The following PRAMEF20 variants were observed in gnomAD, a reference collection of about 807,000 sequenced individuals.
PRAMEF20 encodes PRAME family member 20/21.
PRAMEF20 carries 27 observed loss-of-function variants against 32.4 expected under a neutral mutation model. That is an observed-to-expected ratio of 0.83 (90% CI 0.61 to 1.15). The LOEUF (loss-of-function observed/expected upper bound fraction) is 1.15. Among genes scored for constraint, PRAMEF20 ranks in the 50% most tolerant of loss-of-function variants. PRAMEF20 has a pLI of 0.00. For synonymous variants in PRAMEF20, 256 were observed against 235.4 expected, an observed-to-expected ratio of 1.09 and a Z score of -0.80; for missense variants, 604 against 584.5, an observed-to-expected ratio of 1.03 and a Z score of -0.34.
intron 1 of PRAMEF20, among the ~76,000 whole-genome samples, chr1:13,417,236 C>T (rs1184664838): frequency 6.6e-6 from 1 of 152,116 alleles, no homozygotes; most frequent in Non-Finnish European, 1.5e-5. Flanking sequence ...TCCCATGTTC[C>T]ATTTCTGTCC....
chr1:13,421,179 T>C, exon 3 of PRAMEF20: 1 of 1,613,782 alleles, frequency 6.2e-7, no homozygotes, highest in Non-Finnish European at 8.5e-7. Flanking sequence ...CCCGAGAGGA[T>C]CTTGTTCTGT....
chr1:13,416,840 G>C (rs1641180897), intron 1 of PRAMEF20, among the ~76,000 whole-genome samples, 199 bp downstream of exon 2: 1 of 152,234 alleles, frequency 6.6e-6, no homozygotes, highest in African/African-American at 2.4e-5. Context: ...CGAGGTAACA[G>C]GAACCTCTCT....
At chr1:13,421,022 C>T in exon 3 of PRAMEF20, 5 of 1,613,950 alleles carry the variant, frequency 3.1e-6, no homozygotes, top group African/African-American at 1.3e-5. Context: ...GGAGAACCTG[C>T]TGTGCCACAC....
chr1:13,414,232 T>TTTC (rs1491277690), upstream of PRAMEF20, among the ~76,000 whole-genome samples: 1 of 121,458 alleles, frequency 8.2e-6, no homozygotes, highest in Non-Finnish European at 1.7e-5. Flanking sequence ...TTTTTTTTTT[T>TTTC]GTATTTTTAC....
At chr1:13,413,810 G>T (rs1641135748), upstream of PRAMEF20, among the ~76,000 whole-genome samples, 1 of 152,048 alleles carries the variant, frequency 6.6e-6, no homozygotes, top group African/African-American at 2.4e-5. Context: ...TCCAGATCTG[G>T]TAAGTCTCCA....
At chr1:13,418,593 G>A in exon 2 of PRAMEF20, 2 of 1,613,950 alleles carry the variant, frequency 1.2e-6, no homozygotes, top group Non-Finnish European at 8.5e-7. Flanking sequence ...AGCAGAAGAA[G>A]GAGTTTGTTA....
chr1:13,419,838 C>T (rs1280299454), intron 2 of PRAMEF20, among the ~76,000 whole-genome samples: 2 of 152,156 alleles, frequency 1.3e-5, no homozygotes, highest in African/African-American at 4.8e-5. Context: ...TGCCCCACAG[C>T]TTGGTGAACA....
chr1:13,418,095 C>T (rs1569867676), intron 1 of PRAMEF20, 27 bp from the exon 3 acceptor site: 3 of 1,611,882 alleles, frequency 1.9e-6, no homozygotes, highest in East Asian at 4.5e-5. Flanking sequence ...TCCTTAAATT[C>T]TCAGCCTCTC....
At chr1:13,420,901 T>C in exon 3 of PRAMEF20, 1 of 1,613,916 alleles carries the variant, frequency 6.2e-7, no homozygotes, top group South Asian at 1.1e-5. Context: ...TGGACTTAGA[T>C]GACTGTGGCA....
chr1:13,418,599 T>C, exon 2 of PRAMEF20: 8 of 1,613,968 alleles, frequency 5.0e-6, no homozygotes, highest in Non-Finnish European at 6.8e-6. Flanking sequence ...AGAAGGAGTT[T>C]GTTACCCAGT....
chr1:13,420,962 G>T lies in PRAMEF20; in HGVS notation c.1132G>T (p.Glu378Ter). The change falls in exon 3 of 3, where the codon GAG becomes TAG. Residue 378 changes from glutamate (E) to a stop codon, truncating the protein, a stop_gained. Transcript: ENST00000602960. LOFTEE classifies it high-confidence loss of function. ...CCTGCCTGCCCTGAGCCGCTGCTTT[G>T]AGCTCACCACCTTCAGCTTCCGTGG... The T allele has an allele frequency of 6.2e-7, 1 of 1,613,680 alleles. No homozygotes were observed. The highest frequency in any genetic ancestry group is 1.1e-5 in the South Asian group (1 of 91,056).
the PRAMEF20 span, among the ~76,000 whole-genome samples, chr1:13,411,339 C>A: frequency 1.7e-4 from 26 of 151,934 alleles, no homozygotes; most frequent in African/African-American, 3.9e-4. Flanking sequence ...CCCCCTCCCC[C>A]CCACCGCCAA....
upstream of PRAMEF20, among the ~76,000 whole-genome samples, chr1:13,413,327 C>T (rs1010519085): frequency 1.3e-5 from 2 of 152,220 alleles, no homozygotes; most frequent in South Asian, 2.1e-4. Context: ...CTGGGTGGAG[C>T]TTAAGAGATT....
exon 3 of PRAMEF20, chr1:13,420,824 C>T: frequency 6.2e-7 from 1 of 1,613,972 alleles, no homozygotes; most frequent in Non-Finnish European, 8.5e-7. Context: ...TGGCACCAGA[C>T]TGGCCAATTT....
chr1:13,420,873 C>T, exon 3 of PRAMEF20: 1 of 1,613,932 alleles, frequency 6.2e-7, no homozygotes, highest in Non-Finnish European at 8.5e-7. Flanking sequence ...GAAAAAGTTG[C>T]AGCCACCCTT....
upstream of PRAMEF20, among the ~76,000 whole-genome samples, chr1:13,411,850 A>G (rs1368296034): frequency 1.3e-5 from 2 of 152,066 alleles, no homozygotes; most frequent in African/African-American, 4.8e-5. Flanking sequence ...CCAGTGACCA[A>G]GACTTTCCGA....
At chr1:13,411,378 A>G (rs1271109921), upstream of PRAMEF20, among the ~76,000 whole-genome samples, 2 of 151,410 alleles carry the variant, frequency 1.3e-5, no homozygotes, top group Admixed American at 1.3e-4. Context: ...AGTTTAAACA[A>G]TATCCAATTA....
upstream of PRAMEF20, among the ~76,000 whole-genome samples, chr1:13,414,224 T>A (rs1641140700): frequency 6.7e-6 from 1 of 149,070 alleles, no homozygotes; most frequent in Admixed American, 6.7e-5. Context: ...TTTTTTTTTT[T>A]TTTTTTTTGT....
upstream of PRAMEF20, among the ~76,000 whole-genome samples, chr1:13,416,058 G>A (rs1641165956): frequency 6.6e-6 from 1 of 152,178 alleles, no homozygotes; most frequent in African/African-American, 2.4e-5. Context: ...GGAGGGATTA[G>A]CTTTCAGGTT....
Sources: allele counts gnomAD v4.1 joint callset (sites outside exome capture counted in the v4.1 genomes callset), GRCh38; gene constraint gnomAD v4.1.1; transcripts MANE v1.5; gene names NCBI Gene and HGNC (gene_info 2026-07-23, HGNC 2026-07-21).